NRCAM: variants seen among roughly 807,000 people sequenced by gnomAD.
NRCAM encodes the protein NgCAM-related cell adhesion molecule.
NRCAM carries 83 observed loss-of-function variants against 156.5 expected under a neutral mutation model. That is an observed-to-expected ratio of 0.53 (90% CI 0.44 to 0.64). NRCAM has a LOEUF of 0.64. NRCAM is among the 30% of genes least tolerant of loss of function. The pLI is 0.00. For missense variants in NRCAM, 1,417 were observed against 1,597.3 expected, an observed-to-expected ratio of 0.89 and a Z score of 1.92; for synonymous variants, 538 against 563.9, an observed-to-expected ratio of 0.95 and a Z score of 0.65.
chr7:108,163,198 T>C lies in NRCAM; in HGVS notation c.3467-2706A>G, dbSNP rs115925593. The stretch of plus-strand genomic sequence containing the variant: ...TTATATTCATGTATTATTTGAGTAA[T>C]CCACAAAATGATAAATTAAACACAT... On this transcript the variant is annotated intron_variant, in intron 30 of 32. Transcript: ENST00000379028. Among the ~76,000 whole-genome samples the C allele has an allele frequency of 8.8e-4, 134 of 152,232 alleles. 1 individual carries two copies. The highest frequency in any genetic ancestry group is 3.1e-3 in the African/African-American group (130 of 41,538).
intron 24 of NRCAM, 35 bp downstream of exon 24, chr7:108,181,787 C>A: frequency 1.4e-6 from 2 of 1,468,052 alleles, no homozygotes; most frequent in Non-Finnish European, 1.9e-6. Flanking sequence ...GCAGCCCTTA[C>A]TAAATAAAGC....
rs547807292 is a variant in NRCAM, at chr7:108,215,753, T to G, written c.891-6148A>C. On this transcript the variant is annotated intron_variant, in intron 11 of 32. Coordinates refer to ENST00000379028, the MANE Select transcript of NRCAM (RefSeq NM_001037132.4). ...TGCCTTTTTTTTTTTTTTTTGCTTT[T>G]CATTTGCTTGGTAAATATTCCTCCA... 4.4e-3 allele frequency among the ~76,000 whole-genome samples: 659 copies of G among 149,472 alleles called. 9 individuals carry two copies. Among genetic ancestry groups the G allele is most frequent in the African/African-American group, 0.016 (634 of 40,620 alleles).
intron 2 of NRCAM, among the ~76,000 whole-genome samples, chr7:108,388,297 C>A (rs1363694150): frequency 1.3e-5 from 2 of 152,162 alleles, no homozygotes; most frequent in Non-Finnish European, 2.9e-5. Context: ...ATTTGCATTT[C>A]CCTGATGGCC....
At chr7:108,184,069 A>T (rs2065162991) in intron 22 of NRCAM, among the ~76,000 whole-genome samples, 172 bp downstream of exon 22, 1 of 151,906 alleles carries the variant, frequency 6.6e-6, no homozygotes, top group Admixed American at 6.6e-5. Context: ...AGCTTTTAGC[A>T]ACTATATAAT....
chr7:108,164,517 C>A (rs1274733099), intron 30 of NRCAM, among the ~76,000 whole-genome samples: 1 of 135,348 alleles, frequency 7.4e-6, no homozygotes, highest in Non-Finnish European at 1.6e-5. Flanking sequence ...GGCTTTCATG[C>A]CAAATATTGA....
chr7:108,431,769 A>G (rs1825536780), intron 1 of NRCAM, among the ~76,000 whole-genome samples: 1 of 152,214 alleles, frequency 6.6e-6, no homozygotes, highest in Non-Finnish European at 1.5e-5. Context: ...TGAGAAATAA[A>G]GCGAGATGCT....
intron 3 of NRCAM, among the ~76,000 whole-genome samples, chr7:108,272,481 T>A (rs1258934020): frequency 1.3e-5 from 2 of 152,328 alleles, no homozygotes; most frequent in African/African-American, 2.4e-5. Flanking sequence ...TGACGATCTT[T>A]ATTTATCCCA....
intron 12 of NRCAM, 127 bp downstream of exon 12, chr7:108,209,294 G>T: frequency 3.1e-6 from 2 of 651,808 alleles, no homozygotes; most frequent in Non-Finnish European, 5.0e-6. Context: ...TGAGAAGAGA[G>T]TCAAGGTACC....
intron 13 of NRCAM, among the ~76,000 whole-genome samples, chr7:108,200,768 AC>A (rs2077545719): frequency 6.9e-6 from 1 of 145,642 alleles, no homozygotes; most frequent in African/African-American, 2.5e-5. Flanking sequence ...ACACACACAC[AC>A]ACACACACAC....
intron 30 of NRCAM, among the ~76,000 whole-genome samples, chr7:108,165,758 T>TA (rs2053676030): frequency 6.6e-6 from 1 of 152,264 alleles, no homozygotes; most frequent in Non-Finnish European, 1.5e-5. Context: ...TTATGATTTA[T>TA]ATTTTTCTAA....
chr7:108,312,556 G>A (rs546018956), intron 3 of NRCAM, 109 bp downstream of exon 3: 75 of 152,090 alleles, frequency 4.9e-4, no homozygotes, highest in Non-Finnish European at 9.4e-4. Flanking sequence ...ATACTCTCTG[G>A]ATTGAAAAGT....
intron 25 of NRCAM, chr7:108,178,411 G>A (rs2061804110): frequency 4.8e-6 from 2 of 418,312 alleles, no homozygotes; most frequent in Non-Finnish European, 9.2e-6. Flanking sequence ...CTTGTTTGAC[G>A]CATGAATGGT....
intron 20 of NRCAM, among the ~76,000 whole-genome samples, chr7:108,188,403 A>C (rs1050197051): frequency 6.7e-6 from 1 of 150,208 alleles, no homozygotes; most frequent in African/African-American, 2.5e-5. Context: ...GTGTGTGTAT[A>C]TATACATATG....
At chr7:108,226,149 T>C (rs1415454014) in intron 9 of NRCAM, 59 bp downstream of exon 9, 3 of 1,226,688 alleles carry the variant, frequency 2.4e-6, no homozygotes, top group Middle Eastern at 1.9e-4. Context: ...ATAGTTTCTA[T>C]ATTTTGCACA....
At chr7:108,439,141 A>C (rs890866288) in intron 1 of NRCAM, among the ~76,000 whole-genome samples, 1 of 152,182 alleles carries the variant, frequency 6.6e-6, no homozygotes, top group Non-Finnish European at 1.5e-5. Context: ...AAAACTCTTA[A>C]GAGAAAACAT....
chr7:108,340,637 G>A (rs1164682485), intron 2 of NRCAM, among the ~76,000 whole-genome samples: 4 of 152,088 alleles, frequency 2.6e-5, no homozygotes, highest in Admixed American at 6.5e-5. Flanking sequence ...GATTGGTGCC[G>A]CAGACATTTG....
At chr7:108,340,972 G>C (rs931896869) in intron 2 of NRCAM, among the ~76,000 whole-genome samples, 1 of 152,186 alleles carries the variant, frequency 6.6e-6, no homozygotes, top group Non-Finnish European at 1.5e-5. Flanking sequence ...TTTAAAAAAG[G>C]CTACCGCTTT....
intron 3 of NRCAM, among the ~76,000 whole-genome samples, chr7:108,259,305 G>A (rs993710634): frequency 1.1e-4 from 17 of 152,140 alleles, no homozygotes; most frequent in African/African-American, 3.9e-4. Flanking sequence ...TTGAATAATT[G>A]GTTAACAAGC....
At chr7:108,216,726 C>T (rs1353618562) in intron 11 of NRCAM, among the ~76,000 whole-genome samples, 1 of 152,116 alleles carries the variant, frequency 6.6e-6, no homozygotes, top group South Asian at 2.1e-4. Flanking sequence ...CTTGTGTATG[C>T]GTCACGAAGT....
Sources: gnomAD v4.1 joint callset for allele counts (sites outside exome capture counted in the v4.1 genomes callset) on GRCh38, gnomAD v4.1.1 for gene constraint, MANE v1.5 for transcripts, NCBI Gene and HGNC (gene_info 2026-07-23, HGNC 2026-07-21) for gene names.